NBPF26: variants seen among roughly 807,000 people sequenced by gnomAD.
The protein encoded by NBPF26 is NBPF family member NBPF26.
Under a neutral mutation model 119.6 loss-of-function variants are expected in NBPF26, and 79 were observed. The observed-to-expected ratio is 0.66, with a 90% CI of 0.55 to 0.80. The LOEUF (loss-of-function observed/expected upper bound fraction) is 0.80. Ranked by LOEUF, NBPF26 falls within the 30% of genes least tolerant of loss-of-function variation. The pLI, the probability that NBPF26 is intolerant of heterozygous loss-of-function variation, is 0.00. For missense variants in NBPF26, 800 were observed against 1,198.2 expected, an observed-to-expected ratio of 0.67 and a Z score of 4.91; for synonymous variants, 299 against 457.7, an observed-to-expected ratio of 0.65 and a Z score of 4.43.
At chr1:120,825,279 A>G (rs1443611508) in intron 18 of NBPF26, among the ~76,000 whole-genome samples, 11 of 122,220 alleles carry the variant, frequency 9.0e-5, no homozygotes, top group African/African-American at 5.1e-4. Context: ...CACCCGGCCA[A>G]TTCACTGAGC....
At chr1:120,770,214 G>T (rs1349277118) in intron 2 of NBPF26, among the ~76,000 whole-genome samples, 1 of 99,972 alleles carries the variant, frequency 1.0e-5, no homozygotes, top group Non-Finnish European at 1.8e-5. Flanking sequence ...CTGTGGCCCA[G>T]GCTGGAGTGC....
rs1276329020 is a variant in NBPF26, at chr1:120,768,548, C to T, written c.155+4839C>T. Among the ~76,000 whole-genome samples the T allele has an allele frequency of 4.3e-3, 471 of 109,706 alleles. 98 individuals carry two copies. The highest frequency in any genetic ancestry group is 0.023 in the Middle Eastern group (6 of 256). 72.0% of individuals were successfully genotyped at this position (109,706 alleles called of 152,430 possible). On this transcript the variant is annotated intron_variant, in intron 2 of 29. Transcript: ENST00000620612. ...TGACTCCTCAGTATCACAGGACTTCCGTTTTCTGCTTGCACACTCTTCCTC... is the reference window on the plus strand; with the variant it reads ...TGACTCCTCAGTATCACAGGACTTCTGTTTTCTGCTTGCACACTCTTCCTC...
Position 120,764,017 on chromosome 1 carries a change from G to A in NBPF26, c.155+308G>A, listed in dbSNP as rs1382636318. On this transcript the variant is annotated intron_variant, in intron 2 of 29. Coordinates refer to ENST00000620612, the Ensembl canonical transcript of NBPF26. ...TAATCCCAGCACTTCAGGAGGCTGA[G>A]TTGGGCGAATCACGAGGTCAGGAGT... Among the ~76,000 whole-genome samples, 8 of 115,102 alleles carry A rather than the reference G, an allele frequency of 7.0e-5. 2 individuals are homozygous for A. The highest frequency in any genetic ancestry group is 1.3e-4 in the Non-Finnish European group (8 of 60,048). The allele number at this position is 115,102 out of a possible 152,430, so 75.5% of individuals were successfully genotyped here.
intron 2 of NBPF26, among the ~76,000 whole-genome samples, chr1:120,784,326 G>A (rs1651398629): frequency 8.6e-6 from 1 of 116,846 alleles, no homozygotes; most frequent in Non-Finnish European, 1.6e-5. Flanking sequence ...CCATTTAGAG[G>A]AAAACCCTAA....
chr1:120,764,312 G>A (rs1651166127), intron 2 of NBPF26, among the ~76,000 whole-genome samples: 1 of 104,300 alleles, frequency 9.6e-6, no homozygotes, highest in Non-Finnish European at 1.8e-5. Context: ...TCAGATTAAG[G>A]CATACTCTTA....
intron 2 of NBPF26, among the ~76,000 whole-genome samples, chr1:120,784,539 A>T (rs2101453182): frequency 8.5e-6 from 1 of 117,006 alleles, no homozygotes; most frequent in Admixed American, 8.1e-5. Flanking sequence ...CACCTTATTT[A>T]GGTCTCAACT....
Position 120,739,901 on chromosome 1 carries a change from C to G in NBPF26, c.73+15651C>G, listed in dbSNP as rs1171501029. On this transcript the variant is annotated intron_variant, in intron 1 of 29. Coordinates refer to ENST00000620612, the Ensembl canonical transcript of NBPF26. ...GTTTCTTTTAATGACTCCCTTTAGG[C>G]TCTGCTTCATGGCCAACACAAGATT... Among the ~76,000 whole-genome samples the G allele has an allele frequency of 2.4e-4, 7 of 29,478 alleles. 3 individuals carry two copies. The highest frequency in any genetic ancestry group is 4.2e-4 in the Non-Finnish European group (7 of 16,856). The allele number at this position is 29,478 out of a possible 152,430, so 19.3% of individuals were successfully genotyped here. A position where few individuals can be genotyped will look rare whatever the true frequency, so the allele number is the denominator to read the frequency against.
rs1396108882 is a variant in NBPF26 at position 120,810,309 on chromosome 1, T to G, written c.1353-38T>G. On this transcript the variant is annotated intron_variant, in intron 8 of 29. Coordinates refer to ENST00000620612, the Ensembl canonical transcript of NBPF26. ...TCCATGGGGTCCAATCCCTCTGTGT[T>G]TAATCTTCTGTCATCTCTGTCCCAC... 7 of 1,565,182 alleles carry G rather than the reference T, an allele frequency of 4.5e-6. No individual in the cohort carries two copies. In the Admixed American group the frequency reaches 1.0e-4, roughly 23 times the overall value.
At chr1:120,810,813 G>A (rs1298842910) in intron 9 of NBPF26, among the ~76,000 whole-genome samples, 1 of 110,066 alleles carries the variant, frequency 9.1e-6, no homozygotes, top group Admixed American at 8.5e-5. Flanking sequence ...AATTAGGCAG[G>A]CATGGTGCTG....
chr1:120,778,391 G>A (rs1651323029), intron 2 of NBPF26, among the ~76,000 whole-genome samples: 1 of 108,464 alleles, frequency 9.2e-6, no homozygotes, highest in South Asian at 2.6e-4. Context: ...TAGCCCAGAG[G>A]GAGTAAAGAG....
exon 3 of NBPF26, chr1:120,785,075 G>C: frequency 6.9e-7 from 1 of 1,446,066 alleles, no homozygotes; most frequent in African/African-American, 2.6e-5. Flanking sequence ...GCCATGCTGG[G>C]GAAAGCCACG....
chr1:120,802,372 A>G (rs1468777434), intron 4 of NBPF26, among the ~76,000 whole-genome samples: 1 of 126,100 alleles, frequency 7.9e-6, no homozygotes, highest in Admixed American at 7.6e-5. Context: ...CCAAAACACA[A>G]CAGCAGGACA....
In NBPF26 at chr1:120,724,450, C is replaced by T. The variant is rs1198869111; in HGVS notation, c.73+200C>T. Among the ~76,000 whole-genome samples, 2 of 121,038 alleles carry T rather than the reference C, an allele frequency of 1.7e-5. 1 individual carries two copies. Among genetic ancestry groups the T allele is most frequent in the Non-Finnish European group, 3.3e-5 (2 of 61,522 alleles). The allele number at this position is 121,038 out of a possible 152,430, so 79.4% of individuals were successfully genotyped here. On this transcript the variant is annotated intron_variant, in intron 1 of 29. Transcript: ENST00000620612. The stretch of plus-strand genomic sequence containing the variant: ...TGCCCCGCCAACCGCTGGGGTTCCC[C>T]GCCGCCTCTGCTCCCCGCGGCCCGG...
rs1425893084 is a variant in NBPF26, at chr1:120,811,962, G to C, written c.1641G>C (p.Ala547=). 51 of 1,238,588 alleles carry C rather than the reference G, an allele frequency of 4.1e-5. 12 individuals carry two copies. The highest frequency in any genetic ancestry group is 7.1e-5 in the East Asian group (3 of 42,468). The allele number at this position is 1,238,588 out of a possible 1,614,324, so 76.7% of individuals were successfully genotyped here. A position where few individuals can be genotyped will look rare whatever the true frequency, so the allele number is the denominator to read the frequency against. The change falls in exon 10 of 30, where the codon GCG becomes GCC. Residue 547 remains alanine, a synonymous_variant. Transcript: ENST00000620612. Reference sequence around the variant, plus strand: ...GCCCTTTGTCCGGCGAGAAGGCAGCGATAAACATTCTAGAAATCAATGAGA... The same window carrying C: ...GCCCTTTGTCCGGCGAGAAGGCAGCCATAAACATTCTAGAAATCAATGAGA...
chr1:120,789,969 G>T, intron 3 of NBPF26, among the ~76,000 whole-genome samples: 1 of 83,170 alleles, frequency 1.2e-5, no homozygotes, highest in South Asian at 3.5e-4. Context: ...TTGTTGTTAA[G>T]AAGGATCTCT....
chr1:120,810,755 A>T (rs1571037214), intron 9 of NBPF26, among the ~76,000 whole-genome samples, 197 bp downstream of exon 9: 1 of 112,182 alleles, frequency 8.9e-6, no homozygotes, highest in African/African-American at 5.2e-5. Flanking sequence ...GGAGTTGAAG[A>T]CCAGCCTACA....
intron 19 of NBPF26, among the ~76,000 whole-genome samples, chr1:120,830,042 C>CT (rs1652315260): frequency 8.2e-6 from 1 of 121,768 alleles, no homozygotes; most frequent in Admixed American, 7.6e-5. Flanking sequence ...GGCTGTATGG[C>CT]AACTGCATGG....
rs1481459115 is a variant in NBPF26 at position 120,822,094 on chromosome 1, G to A, written c.2424-10G>A. 4 of 1,446,294 alleles carry A rather than the reference G, an allele frequency of 2.8e-6. 1 individual carries two copies. Among genetic ancestry groups the A allele is most frequent in the Non-Finnish European group, 3.7e-6 (4 of 1,081,628 alleles). The allele number at this position is 1,446,294 out of a possible 1,614,324, so 89.6% of individuals were successfully genotyped here. ...ATCTTCTGTCATCCCTGTCCTGCCT[G>A]GCTCATCAGGAATCTGCAGGAGTCT... On this transcript the variant is annotated splice_polypyrimidine_tract_variant and intron_variant, in intron 15 of 29. Coordinates refer to ENST00000620612, the Ensembl canonical transcript of NBPF26.
chr1:120,728,737 AT>A (rs1374141274), intron 1 of NBPF26, among the ~76,000 whole-genome samples: 1 of 115,118 alleles, frequency 8.7e-6, no homozygotes, highest in Non-Finnish European at 1.7e-5. Flanking sequence ...TTTTTTTGAG[AT>A]TTTTTTCATT....
Sources: gnomAD v4.1 joint callset for allele counts (sites outside exome capture counted in the v4.1 genomes callset) on GRCh38, gnomAD v4.1.1 for gene constraint, MANE v1.5 for transcripts, NCBI Gene and HGNC (gene_info 2026-07-23, HGNC 2026-07-21) for gene names.